The following CHST1 variants were observed in gnomAD, a reference collection of about 807,000 sequenced individuals.
The protein encoded by CHST1 is carbohydrate sulfotransferase 1.
Under a neutral mutation model 22.5 loss-of-function variants are expected in CHST1, and 10 were observed. That is an observed-to-expected ratio of 0.44 (90% CI 0.27 to 0.75). The LOEUF is 0.75. CHST1 is among the 30% of genes least tolerant of loss of function. The pLI is 0.15. For synonymous variants in CHST1, 267 were observed against 264.5 expected, an observed-to-expected ratio of 1.01 and a Z score of -0.09; for missense variants, 439 against 576.1, an observed-to-expected ratio of 0.76 and a Z score of 2.44.
chr11:45,650,964 GTC>G lies in CHST1; in HGVS notation c.-42-1_-42del. The stretch of plus-strand genomic sequence containing the variant: ...TGGGGCTGCTTCTCCAAGGGGTGAG[GTC>G]TGTGGGCAAAGGCGGCCAGCGGTCA... On this transcript the variant is annotated splice_acceptor_variant and 5_prime_UTR_variant, in exon 4 of 4. Coordinates refer to ENST00000308064, the MANE Select transcript of CHST1 (RefSeq NM_003654.6). LOFTEE classifies it low-confidence loss of function (5UTR_SPLICE). 1 of 1,512,334 alleles carries G rather than the reference GTC, an allele frequency of 6.6e-7. No homozygotes were observed. The highest frequency in any genetic ancestry group is 8.8e-7 in the Non-Finnish European group (1 of 1,131,934). 93.7% of individuals were successfully genotyped at this position (1,512,334 alleles called of 1,614,324 possible).
rs1159192130 is a variant in CHST1 at position 45,659,489 on chromosome 11, G to C, written c.-227+5689C>G. On this transcript the variant is annotated intron_variant, in intron 1 of 3. Coordinates refer to ENST00000308064, the MANE Select transcript of CHST1 (RefSeq NM_003654.6). ...GGCCATCCCCCAGGGTCAGGTCCCT[G>C]GGGCATCCACTGGTGGGGCTTGAGG... Among the ~76,000 whole-genome samples the C allele has an allele frequency of 2.0e-5, 3 of 152,136 alleles. No homozygotes were observed. In the East Asian group the frequency reaches 5.8e-4, roughly 29 times the overall value.
chr11:45,658,196 C>G (rs1852085927), intron 1 of CHST1, among the ~76,000 whole-genome samples: 1 of 152,194 alleles, frequency 6.6e-6, no homozygotes, highest in African/African-American at 2.4e-5. Context: ...GCTATGAGGC[C>G]TTGCGTGAGG....
In CHST1 at chr11:45,650,894, G is replaced by T; in HGVS notation, c.30C>A (p.Leu10=). ...GGATGGCAATGGAGGCCAGGGCAAG[G>T]AGGAGGACGGCCTTCCAGGAACATT... The part of the protein sequence containing the change: MQCSWKAVL[L]LALASIAIQY... The change falls in exon 4 of 4, where the codon CTC becomes CTA. Residue 10 remains leucine, a synonymous_variant. Transcript: ENST00000308064. The T allele has an allele frequency of 6.5e-7, 1 of 1,543,932 alleles. No individual in the cohort carries two copies.
intron 1 of CHST1, among the ~76,000 whole-genome samples, chr11:45,658,747 G>A (rs920843968): frequency 2.0e-5 from 3 of 152,058 alleles, no homozygotes; most frequent in East Asian, 1.9e-4. Context: ...TGCGGTAGGC[G>A]GGACTCTACA....
In CHST1 at chr11:45,648,514, C is replaced by A. The variant is rs1163732972; in HGVS notation, c.*1174G>T. On this transcript the variant is annotated 3_prime_UTR_variant, in exon 4 of 4. Coordinates refer to ENST00000308064, the MANE Select transcript of CHST1 (RefSeq NM_003654.6). ...CCTGGACAACACGGTGAAACCCCGT[C>A]TCTACTAAAATCCAAAAAAAAAAAA... Among the ~76,000 whole-genome samples the A allele has an allele frequency of 6.7e-6, 1 of 149,062 alleles. No homozygotes were observed. Among genetic ancestry groups the A allele is most frequent in the African/African-American group, 2.5e-5 (1 of 39,736 alleles).
chr11:45,655,704 A>T (rs913050369), intron 1 of CHST1, among the ~76,000 whole-genome samples: 1 of 152,246 alleles, frequency 6.6e-6, no homozygotes, highest in East Asian at 1.9e-4. Flanking sequence ...GTGCTCTGGC[A>T]GGGAAGGAGC....
Position 45,649,591 on chromosome 11 carries a change from G to T in CHST1, c.*97C>A, listed in dbSNP as rs1421538424. ...GGGGCAGGAAGGACACGAAGATGAG[G>T]TGGGAGAGGGAGGGGTTAATAAGGC... is the stretch of plus-strand genomic sequence containing the variant. On this transcript the variant is annotated 3_prime_UTR_variant, in exon 4 of 4. Transcript: ENST00000308064. 2 of 1,258,186 alleles carry T rather than the reference G, an allele frequency of 1.6e-6. No homozygotes were observed. The highest frequency in any genetic ancestry group is 2.2e-6 in the Non-Finnish European group (2 of 914,082). 77.9% of individuals were successfully genotyped at this position (1,258,186 alleles called of 1,614,324 possible).
intron 1 of CHST1, among the ~76,000 whole-genome samples, chr11:45,664,262 G>C (rs943441614): frequency 5.3e-5 from 8 of 152,182 alleles, no homozygotes; most frequent in Admixed American, 3.3e-4. Context: ...CCAGCTCCCT[G>C]TCAATGGCCG....
In CHST1 at chr11:45,650,852, G is replaced by A. The variant is rs1402201838; in HGVS notation, c.72C>T (p.Arg24=). The A allele has an allele frequency of 1.0e-5, 16 of 1,593,598 alleles. No individual in the cohort carries two copies. Among genetic ancestry groups the A allele is most frequent in the South Asian group, 2.3e-5 (2 of 86,798 alleles). ...ASIAIQYTAI[R]TFTAKSFHTC... ...TGTGAAAGGACTTGGCGGTGAAGGT[G>A]CGGATGGCCGTGTACTGGATGGCAA... The change falls in exon 4 of 4, where the codon CGC becomes CGT. Residue 24 remains arginine (R), a synonymous_variant. Coordinates refer to ENST00000308064, the MANE Select transcript of CHST1 (RefSeq NM_003654.6).
At chr11:45,663,635 G>T (rs577926958) in intron 1 of CHST1, among the ~76,000 whole-genome samples, 2 of 152,240 alleles carry the variant, frequency 1.3e-5, no homozygotes, top group East Asian at 3.9e-4. Flanking sequence ...TTTGGGGGAT[G>T]ATTAGCAGAG....
At chr11:45,656,970 C>A (rs1852070496) in intron 1 of CHST1, among the ~76,000 whole-genome samples, 1 of 152,050 alleles carries the variant, frequency 6.6e-6, no homozygotes, top group Admixed American at 6.5e-5. Context: ...GACATTTCTC[C>A]CTAAAAAACT....
At position 45,650,051 on chromosome 11, in the gene CHST1, C is replaced by A. The variant is rs1418126166; in HGVS notation, c.873G>T (p.Pro291=). 2.5e-6 allele frequency: 4 copies of A among 1,614,006 alleles called. No individual in the cohort carries two copies. Among genetic ancestry groups the A allele is most frequent in the African/African-American group, 1.3e-5 (1 of 74,940 alleles). Residue 291 remains proline (P), a synonymous_variant, in exon 4 of 4, where the codon CCG becomes CCT. Coordinates refer to ENST00000308064, the MANE Select transcript of CHST1 (RefSeq NM_003654.6). ...CCAACATGTACTTGCCCTTGAGCCA[C>A]GGGGGCCGCATGAGGCCGGTGGACA... is the stretch of plus-strand genomic sequence containing the variant. ...NSVSTGLMRP[P]WLKGKYMLVR... is the part of the protein sequence containing the mutation.
chr11:45,658,200 C>T (rs1333674341), intron 1 of CHST1, among the ~76,000 whole-genome samples: 1 of 152,170 alleles, frequency 6.6e-6, no homozygotes, highest in Non-Finnish European at 1.5e-5. Context: ...TGAGGCCTTG[C>T]GTGAGGCTCT....
intron 3 of CHST1, 109 bp from the exon 4 acceptor site, chr11:45,651,074 C>T: frequency 1.4e-6 from 1 of 728,416 alleles, no homozygotes; most frequent in Non-Finnish European, 2.1e-6. Context: ...GGCTCCTGTC[C>T]AGTGCTCACC....
rs1270769262 is a variant in CHST1 at position 45,650,519 on chromosome 11, C to T, written c.405G>A (p.Leu135=). ...RSLYDCDLYF[L]ENYIKPPPVN... is the part of the protein sequence containing the mutation. The stretch of plus-strand genomic sequence containing the variant: ...CCGGCGGCGGCTTGATGTAGTTCTC[C>T]AGGAAGTAGAGGTCGCAGTCGTAGA... Residue 135 remains leucine (L), a synonymous_variant, in exon 4 of 4, where the codon CTG becomes CTA. Transcript: ENST00000308064. The T allele has an allele frequency of 6.2e-7, 1 of 1,613,918 alleles. No homozygotes were observed. Among genetic ancestry groups the T allele is most frequent in the Non-Finnish European group, 8.5e-7 (1 of 1,179,974 alleles).
chr11:45,659,147 A>G (rs1430053180), intron 1 of CHST1, among the ~76,000 whole-genome samples: 2 of 152,182 alleles, frequency 1.3e-5, no homozygotes, highest in Non-Finnish European at 2.9e-5. Flanking sequence ...CAGGGGATGC[A>G]TCCCACAGGC....
In CHST1 at chr11:45,665,582, A is replaced by T. The variant is rs1193968901; in HGVS notation, c.-631T>A. 1.3e-5 allele frequency: 2 copies of T among 151,400 alleles called. No individual in the cohort carries two copies. Among genetic ancestry groups the T allele is most frequent in the Non-Finnish European group, 2.9e-5 (2 of 67,836 alleles). 9.4% of individuals were successfully genotyped at this position (151,400 alleles called of 1,614,324 possible). ...CTCGGAGCGCCCGCCCGCGTCCCCG[A>T]GCCAAGAGCAGCGGCGGCAGCGGCG... On this transcript the variant is annotated 5_prime_UTR_variant, in exon 1 of 4. Transcript: ENST00000308064. The surrounding 1 kb of genome is among the most constrained non-coding windows in gnomAD (Gnocchi z 4.0).
At chr11:45,653,084 A>C (rs1338532707) in intron 1 of CHST1, among the ~76,000 whole-genome samples, 4 of 152,206 alleles carry the variant, frequency 2.6e-5, no homozygotes, top group Non-Finnish European at 4.4e-5. Flanking sequence ...CACAGCTGAT[A>C]GGGTGAACTC....
chr11:45,662,896 C>T (rs1267018557), intron 1 of CHST1, among the ~76,000 whole-genome samples: 2 of 152,134 alleles, frequency 1.3e-5, no homozygotes, highest in Admixed American at 1.3e-4. Context: ...AGGCCAGAGC[C>T]TTGCCCACCC....
Sources: allele counts gnomAD v4.1 joint callset (sites outside exome capture counted in the v4.1 genomes callset), GRCh38; gene constraint gnomAD v4.1.1; non-coding constraint Gnocchi (gnomAD v3.1); transcripts MANE v1.5; gene names NCBI Gene and HGNC (gene_info 2026-07-23, HGNC 2026-07-21).